PDZD2: variants seen among roughly 807,000 people sequenced by gnomAD.
PDZD2 encodes the protein PDZ domain-containing protein 2.
Under a neutral mutation model 220.7 loss-of-function variants are expected in PDZD2, and 90 were observed. The ratio of observed to expected loss-of-function variants is 0.41; its 90% CI spans 0.34 to 0.49. The LOEUF (loss-of-function observed/expected upper bound fraction) is 0.49. PDZD2 is among the 20% of genes least tolerant of loss of function. The pLI is 0.28. For synonymous variants in PDZD2, 1,375 were observed against 1,450.5 expected (o/e 0.95, Z 1.18); for missense variants, 3,174 against 3,608.5 (o/e 0.88, Z 3.08).
chr5:32,031,819 C>A (rs1403287079), intron 6 of PDZD2, among the ~76,000 whole-genome samples: 4 of 152,106 alleles, frequency 2.6e-5, no homozygotes, highest in Non-Finnish European at 5.9e-5. Context: ...AAGACAATTG[C>A]AAGGTATTTT....
At chr5:31,804,040 G>A (rs562646351) in intron 2 of PDZD2, among the ~76,000 whole-genome samples, 30 of 132,628 alleles carry the variant, frequency 2.3e-4, no homozygotes, top group African/African-American at 8.5e-4. Context: ...AAGACCCTGC[G>A]TCCAAAAAAA....
In PDZD2 at chr5:31,983,797, A is replaced by G. The variant is rs879566221; in HGVS notation, c.978+141A>G. The G allele has an allele frequency of 3.5e-6, 3 of 846,192 alleles. No individual in the cohort carries two copies. The Admixed American group carries it at 8.1e-5, about 23-fold the overall frequency. The allele number at this position is 846,192 out of a possible 1,614,324, so 52.4% of individuals were successfully genotyped here. A position where few individuals can be genotyped will look rare whatever the true frequency, so the allele number is the denominator to read the frequency against. On this transcript the variant is annotated intron_variant, in intron 3 of 24. Coordinates refer to ENST00000438447, the MANE Select transcript of PDZD2 (RefSeq NM_178140.4). ...GAAATATTGTTTGAAGTTGCTTTTA[A>G]GGTTTAAAAAATATACCTAAGATGA...
chr5:31,873,366 G>A, intron 2 of PDZD2, among the ~76,000 whole-genome samples: 1 of 151,586 alleles, frequency 6.6e-6, no homozygotes, highest in Non-Finnish European at 1.5e-5. Flanking sequence ...CCCAGGAGGT[G>A]AAGGCTGCAG....
intron 1 of PDZD2, among the ~76,000 whole-genome samples, chr5:31,798,106 C>T (rs776773092): frequency 1.3e-5 from 2 of 152,092 alleles, no homozygotes; most frequent in African/African-American, 2.4e-5. Flanking sequence ...TGGTGGGAGC[C>T]GCTGGCCCTG....
At chr5:31,975,014 GAATA>G (rs371654565) in intron 2 of PDZD2, among the ~76,000 whole-genome samples, 4 of 152,110 alleles carry the variant, frequency 2.6e-5, no homozygotes, top group African/African-American at 7.2e-5. Flanking sequence ...AAAAAATCTC[GAATA>G]AATATTTACC....
rs62360594 is a variant in PDZD2 at position 31,978,731 on chromosome 5, A to G, written c.477-4424A>G. Among the ~76,000 whole-genome samples, 6 of 149,568 alleles carry G rather than the reference A, an allele frequency of 4.0e-5. No homozygotes were observed. In the Middle Eastern group the frequency reaches 0.01, roughly 258 times the overall value. The stretch of plus-strand genomic sequence containing the variant: ...CTCCATCTCAAAAAAAAAAAAAAGA[A>G]TTCTAAGAAAATACCCCCTATTTAA... On this transcript the variant is annotated intron_variant, in intron 2 of 24. Coordinates refer to ENST00000438447, the MANE Select transcript of PDZD2 (RefSeq NM_178140.4).
chr5:31,920,176 C>CG (rs113985634), intron 2 of PDZD2, among the ~76,000 whole-genome samples: 2,933 of 151,956 alleles, frequency 0.019, 115 homozygotes, highest in African/African-American at 0.067. Context: ...CCCAGCTACT[C>CG]GGGGGGCTAA....
At position 32,087,467 on chromosome 5, in the gene PDZD2, T is replaced by C; in HGVS notation, c.4019T>C (p.Leu1340Pro). ...GGAATGACACCAGCTGGTGCTGTCC[T>C]GCCAGGAGACCCCCTCACATCCCAG... is the stretch of plus-strand genomic sequence containing the variant. ...AEGMTPAGAV[L>P]PGDPLTSQEQ... The change falls in exon 20 of 25, where the codon CTG becomes CCG. Residue 1340 changes from leucine (L) to proline (P), a missense_variant. By Grantham distance (98) the Leu-to-Pro change is moderately conservative. Around this residue, in one of 4 missense-constraint regions of PDZD2, gnomAD observed 1,861 missense variants for 2,001.0 expected, o/e 0.93. Transcript: ENST00000438447. The surrounding 1 kb of genome is among the most constrained non-coding windows in gnomAD (Gnocchi z 4.0). The C allele has an allele frequency of 6.2e-7, 1 of 1,613,868 alleles. No individual in the cohort carries two copies. The highest frequency in any genetic ancestry group is 8.5e-7 in the Non-Finnish European group (1 of 1,179,868).
chr5:31,725,852 C>G, intron 1 of PDZD2: 1 of 787,610 alleles, frequency 1.3e-6, no homozygotes, highest in Non-Finnish European at 2.3e-6. Context: ...ATGGCTTCTG[C>G]TACGCCGTGG....
At chr5:31,682,921 C>T (rs1746705392) in intron 1 of PDZD2, among the ~76,000 whole-genome samples, 1 of 152,072 alleles carries the variant, frequency 6.6e-6, no homozygotes. Flanking sequence ...GGAGTGTGCA[C>T]ACCAGCTGTG....
At chr5:32,058,227 A>G (rs1342861665) in intron 12 of PDZD2, 124 bp downstream of exon 12, 1 of 655,180 alleles carries the variant, frequency 1.5e-6, no homozygotes, top group Admixed American at 2.5e-5. Context: ...TATCAACAAC[A>G]CGTGGTCTCT....
chr5:32,089,321 T>C lies in PDZD2; in HGVS notation c.5873T>C (p.Leu1958Pro). The change falls in exon 20 of 25, where the codon CTG (leucine) becomes CCG (proline). Residue 1958 changes from leucine (L) to proline (P), a missense_variant. This residue lies in a region of PDZD2 where 1,861 missense variants were observed against 2,001.0 expected (regional missense o/e 0.93). Transcript: ENST00000438447. ...GCCCCCAGGTCCCCCCAGTGTGTGCTGGAAAGCAAGCCACCTCTTGCCACC... is the reference window on the plus strand; with the variant it reads ...GCCCCCAGGTCCCCCCAGTGTGTGCCGGAAAGCAAGCCACCTCTTGCCACC... Reference protein sequence around the residue: ...TAAPRSPQCVLESKPPLATSG... With the variant: ...TAAPRSPQCVPESKPPLATSG... The C allele has an allele frequency of 6.2e-7, 1 of 1,614,118 alleles. No individual in the cohort carries two copies. Among genetic ancestry groups the C allele is most frequent in the Non-Finnish European group, 8.5e-7 (1 of 1,180,016 alleles).
chr5:31,734,257 A>G (rs569840075), intron 1 of PDZD2, among the ~76,000 whole-genome samples: 1 of 152,272 alleles, frequency 6.6e-6, no homozygotes, highest in Non-Finnish European at 1.5e-5. Context: ...ACTCTCCTAA[A>G]AAAACCTCTG....
chr5:32,057,426 A>G (rs1180099450), intron 10 of PDZD2, among the ~76,000 whole-genome samples: 14 of 152,258 alleles, frequency 9.2e-5, no homozygotes, highest in South Asian at 2.1e-4. Context: ...CATGCTTCCC[A>G]TAGTTATTTT....
At chr5:31,714,796 C>T (rs556641778) in intron 1 of PDZD2, among the ~76,000 whole-genome samples, 6 of 152,034 alleles carry the variant, frequency 3.9e-5, no homozygotes, top group Non-Finnish European at 8.8e-5. Flanking sequence ...CAGTTGCTCA[C>T]GCCTGTAATC....
intron 3 of PDZD2, among the ~76,000 whole-genome samples, chr5:31,990,977 C>T (rs942958098): frequency 3.3e-5 from 5 of 152,276 alleles, no homozygotes; most frequent in South Asian, 4.2e-4. Context: ...CTGCATAATC[C>T]GGGGCAGAAT....
chr5:31,915,441 G>C (rs1743597553), intron 2 of PDZD2, among the ~76,000 whole-genome samples: 1 of 152,034 alleles, frequency 6.6e-6, no homozygotes, highest in Non-Finnish European at 1.5e-5. Context: ...TGTCCTCTGG[G>C]CTCTTGACTG....
intron 2 of PDZD2, among the ~76,000 whole-genome samples, chr5:31,955,289 GT>G (rs79718032): frequency 0.11 from 16,117 of 146,400 alleles, 938 homozygotes; most frequent in South Asian, 0.21. Flanking sequence ...TCTTTGGTGG[GT>G]TTTTTTTTTT....
intron 5 of PDZD2, among the ~76,000 whole-genome samples, chr5:32,001,360 C>G (rs983103379): frequency 3.9e-5 from 6 of 152,206 alleles, no homozygotes; most frequent in Non-Finnish European, 7.3e-5. Flanking sequence ...GTGGCTTCTG[C>G]TCTCACTTGT....
Sources: gnomAD v4.1 joint callset for allele counts (sites outside exome capture counted in the v4.1 genomes callset) on GRCh38, gnomAD v4.1.1 for gene constraint, gnomAD v4.1.1 regional missense constraint, Gnocchi (gnomAD v3.1) non-coding constraint, MANE v1.5 for transcripts, NCBI Gene and HGNC (gene_info 2026-07-23, HGNC 2026-07-21) for gene names.